MTDH: variants seen among roughly 807,000 people sequenced by gnomAD.
MTDH encodes metadherin, also known as protein LYRIC.
MTDH carries 34 observed loss-of-function variants against 72.7 expected under a neutral mutation model. That is an observed-to-expected ratio of 0.47 (90% CI 0.36 to 0.62). The LOEUF (loss-of-function observed/expected upper bound fraction) is 0.62, where lower values mean the gene tolerates loss of function less well. Ranked by LOEUF, MTDH falls within the 20% of genes least tolerant of loss-of-function variation. The pLI, the probability that MTDH is intolerant of heterozygous loss-of-function variation, is 0.00. For missense variants in MTDH, 677 were observed against 699.4 expected, an observed-to-expected ratio of 0.97 and a Z score of 0.36; for synonymous variants, 266 against 268.9, an observed-to-expected ratio of 0.99 and a Z score of 0.10.
At chr8:97,657,779 A>T (rs1307999305) in intron 1 of MTDH, among the ~76,000 whole-genome samples, 1 of 152,076 alleles carries the variant, frequency 6.6e-6, no homozygotes, top group Non-Finnish European at 1.5e-5. Flanking sequence ...AAAGTGCTGG[A>T]ATTACAGCCG....
At chr8:97,656,392 C>T (rs1332644033) in intron 1 of MTDH, among the ~76,000 whole-genome samples, 10 of 150,038 alleles carry the variant, frequency 6.7e-5, no homozygotes, top group African/African-American at 1.7e-4. Flanking sequence ...GCAACCTCCG[C>T]ATCCCAGGTT....
At chr8:97,686,809 G>C (rs1813383353) in intron 3 of MTDH, 57 bp downstream of exon 3, 1 of 1,208,702 alleles carries the variant, frequency 8.3e-7, no homozygotes, top group African/African-American at 1.6e-5. Context: ...TTATCAAAGT[G>C]TATTATATAA....
At chr8:97,707,863 A>G (rs1814428118) in intron 8 of MTDH, among the ~76,000 whole-genome samples, 1 of 147,528 alleles carries the variant, frequency 6.8e-6, no homozygotes, top group South Asian at 2.1e-4. Flanking sequence ...CTTAAAAAAG[A>G]AAAAAAAAAA....
At chr8:97,666,361 T>C (rs1812387160) in intron 2 of MTDH, among the ~76,000 whole-genome samples, 1 of 152,180 alleles carries the variant, frequency 6.6e-6, no homozygotes, top group African/African-American at 2.4e-5. Flanking sequence ...TATCTCTTAA[T>C]CCTGATGAAC....
intron 2 of MTDH, among the ~76,000 whole-genome samples, chr8:97,662,745 C>A (rs1056894779): frequency 1.3e-5 from 2 of 151,042 alleles, no homozygotes; most frequent in Non-Finnish European, 2.9e-5. Context: ...GGGATTGCGC[C>A]ACTGCACTCT....
At chr8:97,679,714 T>C (rs1197194029) in intron 2 of MTDH, among the ~76,000 whole-genome samples, 2 of 152,222 alleles carry the variant, frequency 1.3e-5, no homozygotes, top group African/African-American at 2.4e-5. Context: ...GTGTATAAAA[T>C]TTATAAACAA....
chr8:97,652,896 G>A lies in MTDH; in HGVS notation c.381+8009G>A, dbSNP rs142980449. 4.3e-3 allele frequency among the ~76,000 whole-genome samples: 655 copies of A among 151,978 alleles called. 4 individuals are homozygous for A. The highest frequency in any genetic ancestry group is 0.015 in the African/African-American group (617 of 41,452). ...CACCTGTAATCCCAGTACTTCGGGC[G>A]GACCACCAGGTCAGGAGATTGAGAC... On this transcript the variant is annotated intron_variant, in intron 1 of 11. Transcript: ENST00000336273.
intron 2 of MTDH, among the ~76,000 whole-genome samples, chr8:97,667,246 A>G (rs565589842): frequency 7.9e-4 from 121 of 152,326 alleles, no homozygotes; most frequent in Admixed American, 2.0e-3. Flanking sequence ...TTGGCCTCCC[A>G]GAGTGCTGGG....
intron 2 of MTDH, among the ~76,000 whole-genome samples, chr8:97,676,269 T>C (rs895986458): frequency 6.6e-5 from 10 of 152,144 alleles, no homozygotes; most frequent in African/African-American, 1.9e-4. Flanking sequence ...TATTTACTTA[T>C]TTTTGCTTTT....
chr8:97,654,995 G>A (rs1811911638), intron 1 of MTDH, among the ~76,000 whole-genome samples: 1 of 152,122 alleles, frequency 6.6e-6, no homozygotes, highest in African/African-American at 2.4e-5. Context: ...GGGAGGCTGA[G>A]GTGGGAAGAT....
intron 6 of MTDH, among the ~76,000 whole-genome samples, chr8:97,693,335 G>A (rs1046426162): frequency 6.6e-6 from 1 of 151,158 alleles, no homozygotes; most frequent in East Asian, 1.9e-4. Flanking sequence ...TTCTTTTTTT[G>A]TTTGCTTGTT....
chr8:97,682,278 ATATTTT>A (rs1813166476), intron 2 of MTDH, among the ~76,000 whole-genome samples: 2 of 3,038 alleles, frequency 6.6e-4, no homozygotes, highest in African/African-American at 1.9e-3. Context: ...ATATATATAT[ATATTTT>A]TTTTTTTTTT....
In MTDH at chr8:97,728,579, G is replaced by A. The variant is rs756805825; in HGVS notation, c.*3909G>A. 6.6e-5 allele frequency: 10 copies of A among 152,146 alleles called. No homozygotes were observed. The highest frequency in any genetic ancestry group is 2.4e-4 in the African/African-American group (10 of 41,520). 9.4% of individuals were successfully genotyped at this position (152,146 alleles called of 1,614,324 possible). ...AAACTTGGCATGCATTAGTTCATAT[G>A]TATGAGGTTGGCTGTGTCCCCAAAC... is the stretch of plus-strand genomic sequence containing the variant. On this transcript the variant is annotated 3_prime_UTR_variant, in exon 12 of 12. Transcript: ENST00000336273.
intron 9 of MTDH, among the ~76,000 whole-genome samples, chr8:97,714,928 C>T (rs1157056647): frequency 1.3e-5 from 2 of 151,562 alleles, no homozygotes; most frequent in Non-Finnish European, 2.9e-5. Context: ...CAGGTTCAAG[C>T]GATTCTCCTG....
At chr8:97,671,957 A>G (rs539715225) in intron 2 of MTDH, among the ~76,000 whole-genome samples, 1 of 152,318 alleles carries the variant, frequency 6.6e-6, no homozygotes, top group South Asian at 2.1e-4. Context: ...AGTGTCTAGA[A>G]AGTCAAAAAC....
intron 1 of MTDH, among the ~76,000 whole-genome samples, chr8:97,649,823 C>CT: frequency 6.6e-6 from 1 of 152,316 alleles, no homozygotes; most frequent in Non-Finnish European, 1.5e-5. Context: ...CGCATGGACT[C>CT]AAACTCCTGA....
rs113646142 is a variant in MTDH at position 97,644,792 on chromosome 8, C to A, written c.286C>A (p.Pro96Thr). 1.3e-6 allele frequency: 2 copies of A among 1,548,356 alleles called. No individual in the cohort carries two copies. Among genetic ancestry groups the A allele is most frequent in the Admixed American group, 2.2e-5 (1 of 44,668 alleles). The change falls in exon 1 of 12, where the codon CCG becomes ACG. Residue 96 changes from proline (P) to threonine (T), a missense_variant. Transcript: ENST00000336273. ...PRKREEAAAV[P>T]AAAPDDLALL... ...CAAGCGGGAGGAGGCGGCGGCCGTGCCGGCCGCGGCCCCCGACGACCTGGC... is the reference window on the plus strand; with the variant it reads ...CAAGCGGGAGGAGGCGGCGGCCGTGACGGCCGCGGCCCCCGACGACCTGGC...
At chr8:97,698,814 T>C (rs1813982733) in intron 6 of MTDH, among the ~76,000 whole-genome samples, 1 of 152,226 alleles carries the variant, frequency 6.6e-6, no homozygotes, top group South Asian at 2.1e-4. Flanking sequence ...TTATTTTCCA[T>C]TAAGAAGAAG....
At chr8:97,672,502 A>G (rs1470694342) in intron 2 of MTDH, among the ~76,000 whole-genome samples, 2 of 152,204 alleles carry the variant, frequency 1.3e-5, no homozygotes, top group South Asian at 2.1e-4. Context: ...AAACAAAGCT[A>G]CAAAACTGTT....
Sources: gnomAD v4.1 joint callset for allele counts (sites outside exome capture counted in the v4.1 genomes callset) on GRCh38, gnomAD v4.1.1 for gene constraint, MANE v1.5 for transcripts, NCBI Gene and HGNC (gene_info 2026-07-23, HGNC 2026-07-21) for gene names.